Variants in TEX36 observed in about 807,000 individuals in gnomAD.
The protein encoded by TEX36 is testis expressed 36.
TEX36 carries 12 observed loss-of-function variants against 13.6 expected under a neutral mutation model. The ratio of observed to expected loss-of-function variants is 0.88; its 90% CI spans 0.56 to 1.43. TEX36 has a LOEUF of 1.43. TEX36 is among the 40% of genes most tolerant of loss of function. The pLI, the probability that TEX36 is intolerant of heterozygous loss-of-function variation, is 0.00. For synonymous variants in TEX36, 93 were observed against 83.0 expected, an observed-to-expected ratio of 1.12 and a Z score of -0.65; for missense variants, 224 against 228.3, an observed-to-expected ratio of 0.98 and a Z score of 0.12.
intron 1 of TEX36, chr10:125,667,383 C>A: frequency 3.1e-6 from 2 of 651,024 alleles, no homozygotes; most frequent in South Asian, 1.4e-5. Context: ...GGGGGGATCT[C>A]AGGCTCCGCA....
At chr10:125,635,448 C>G (rs1846611440) in intron 3 of TEX36, among the ~76,000 whole-genome samples, 1 of 152,184 alleles carries the variant, frequency 6.6e-6, no homozygotes, top group Admixed American at 6.5e-5. Context: ...AGTTGGGCAC[C>G]AAAGCTCTGC....
chr10:125,597,959 T>A (rs1372528572), intron 3 of TEX36, among the ~76,000 whole-genome samples: 3 of 152,126 alleles, frequency 2.0e-5, no homozygotes, highest in Non-Finnish European at 2.9e-5. Flanking sequence ...ATTTAGCGGG[T>A]TATTTATTTA....
At position 125,605,247 on chromosome 10, in the gene TEX36, G is replaced by A. The variant is rs190719443; in HGVS notation, c.265-28373C>T. On this transcript the variant is annotated intron_variant, in intron 3 of 3. Coordinates refer to the TEX36 transcript ENST00000532135. ...TTTTCCTTCCTAGACAGCCCATAAA[G>A]TCTATGAGGTCAGGACCATGTCCTG... Among the ~76,000 whole-genome samples, 9 of 152,328 alleles carry A rather than the reference G, an allele frequency of 5.9e-5. No homozygotes were observed. In the East Asian group the frequency reaches 1.5e-3, roughly 26 times the overall value.
rs1424873640 is a variant in TEX36 at position 125,637,677 on chromosome 10, T to C, written c.265-16032A>G. ...GGGAGCTCTTCAAAAATGCTGAGGC[T>C]GGCCCCACCCCCAGGTACCTGACTC... is the stretch of plus-strand genomic sequence containing the variant. On this transcript the variant is annotated intron_variant, in intron 3 of 3. Transcript: ENST00000526819. Among the ~76,000 whole-genome samples, 5 of 152,118 alleles carry C rather than the reference T, an allele frequency of 3.3e-5. No homozygotes were observed. The East Asian group carries it at 9.7e-4, about 29-fold the overall frequency.
At chr10:125,639,951 A>G (rs536718731) in intron 3 of TEX36, among the ~76,000 whole-genome samples, 209 of 152,352 alleles carry the variant, frequency 1.4e-3, no homozygotes, top group Middle Eastern at 0.01. Context: ...CAAAGGCTAT[A>G]AACAGCAGAA....
At chr10:125,682,219 A>G (rs116181405) in intron 1 of TEX36, among the ~76,000 whole-genome samples, 2,646 of 152,286 alleles carry the variant, frequency 0.017, 85 homozygotes, top group African/African-American at 0.06. Context: ...TGCTTGGCCG[A>G]CAAGGCTAAG....
At chr10:125,657,970 A>T (rs1379613595) in intron 3 of TEX36, among the ~76,000 whole-genome samples, 1 of 152,210 alleles carries the variant, frequency 6.6e-6, no homozygotes, top group Non-Finnish European at 1.5e-5. Context: ...AGAGTGAGCA[A>T]ATAAATTCAA....
At chr10:125,622,654 G>A (rs913037502) in intron 3 of TEX36, among the ~76,000 whole-genome samples, 1 of 152,252 alleles carries the variant, frequency 6.6e-6, no homozygotes, top group African/African-American at 2.4e-5. Context: ...ATTCAGTGTG[G>A]TATGGTCGTA....
intron 3 of TEX36, among the ~76,000 whole-genome samples, chr10:125,613,687 A>G (rs1478045798): frequency 6.6e-6 from 1 of 151,800 alleles, no homozygotes; most frequent in Admixed American, 6.6e-5. Context: ...TCATTGTTGG[A>G]CATTTGGGTT....
At chr10:125,600,674 T>C (rs559652854) in intron 3 of TEX36, among the ~76,000 whole-genome samples, 20 of 152,330 alleles carry the variant, frequency 1.3e-4, no homozygotes, top group Admixed American at 1.3e-3. Flanking sequence ...CACAACCCTC[T>C]ATGCAATGGC....
At chr10:125,651,917 G>C (rs1846866026), downstream of TEX36, among the ~76,000 whole-genome samples, 1 of 152,038 alleles carries the variant, frequency 6.6e-6, no homozygotes, top group African/African-American at 2.4e-5. Flanking sequence ...AGAATACCTA[G>C]GAATCCAACT....
chr10:125,648,567 A>G (rs1327022044), intron 3 of TEX36, among the ~76,000 whole-genome samples: 2 of 152,192 alleles, frequency 1.3e-5, no homozygotes, highest in African/African-American at 4.8e-5. Context: ...CAGAGCAGAA[A>G]AGCTGAAAAT....
intron 3 of TEX36, among the ~76,000 whole-genome samples, chr10:125,600,897 G>T (rs547034476): frequency 2.6e-5 from 4 of 152,332 alleles, no homozygotes; most frequent in African/African-American, 4.8e-5. Flanking sequence ...TTTCTATCTG[G>T]ATCCTACCTG....
chr10:125,603,162 C>T (rs2133544433), intron 3 of TEX36, among the ~76,000 whole-genome samples: 2 of 152,334 alleles, frequency 1.3e-5, no homozygotes, highest in Middle Eastern at 6.8e-3. Context: ...CCTAAGAGTC[C>T]CATTTGTCCA....
rs576415008 is a variant in TEX36, at chr10:125,673,176, C to T, written c.51+9763G>A. Among the ~76,000 whole-genome samples the T allele has an allele frequency of 3.9e-5, 6 of 152,256 alleles. No individual in the cohort carries two copies. In the South Asian group the frequency reaches 1.2e-3, roughly 32 times the overall value. ...TATGATCCTGTCATCATGATGTTAG[C>T]TGGTTATTTTTGCAGACTTGTTGAT... On this transcript the variant is annotated intron_variant, in intron 1 of 3. Transcript: ENST00000368821.
chr10:125,602,943 C>A (rs1846167327), intron 3 of TEX36, among the ~76,000 whole-genome samples: 1 of 152,296 alleles, frequency 6.6e-6, no homozygotes, highest in East Asian at 1.9e-4. Context: ...CCATGGGGAC[C>A]TGTGTGGCTT....
At chr10:125,667,869 T>C (rs1847149199) in intron 1 of TEX36, 1 of 1,518,250 alleles carries the variant, frequency 6.6e-7, no homozygotes, top group Admixed American at 1.7e-5. Flanking sequence ...AGGATGCCCT[T>C]GCCCAGTGCC....
chr10:125,649,150 G>C (rs1481766115), intron 3 of TEX36, among the ~76,000 whole-genome samples: 6 of 152,154 alleles, frequency 3.9e-5, no homozygotes, highest in Non-Finnish European at 5.9e-5. Flanking sequence ...AGGAAATACA[G>C]AGAACGCCAC....
At chr10:125,632,454 G>A (rs910748862) in intron 3 of TEX36, among the ~76,000 whole-genome samples, 2 of 152,186 alleles carry the variant, frequency 1.3e-5, no homozygotes, top group African/African-American at 2.4e-5. Context: ...ACCTTGGAAG[G>A]TTCAGTAGAC....
Sources: allele counts gnomAD v4.1 joint callset (sites outside exome capture counted in the v4.1 genomes callset), GRCh38; gene constraint gnomAD v4.1.1; transcripts MANE v1.5; gene names NCBI Gene and HGNC (gene_info 2026-07-23, HGNC 2026-07-21).